Variants in TSNARE1 observed in about 807,000 individuals in gnomAD.
The protein encoded by TSNARE1 is t-SNARE domain-containing protein 1.
Under a neutral mutation model 62.0 loss-of-function variants are expected in TSNARE1, and 49 were observed. That is an observed-to-expected ratio of 0.79 (90% CI 0.63 to 1.00). The LOEUF (loss-of-function observed/expected upper bound fraction) is 1.00. TSNARE1 is among the 50% of genes least tolerant of loss of function. The pLI is 0.00. For missense variants in TSNARE1, 755 were observed against 700.1 expected (o/e 1.08, Z -0.88); for synonymous variants, 328 against 294.4 (o/e 1.11, Z -1.17).
chr8:142,238,419 A>T (rs1269926836), intron 12 of TSNARE1, among the ~76,000 whole-genome samples: 1 of 152,114 alleles, frequency 6.6e-6, no homozygotes, highest in Non-Finnish European at 1.5e-5. Context: ...GGGACACGGA[A>T]GGAATAAAAC....
intron 12 of TSNARE1, chr8:142,273,135 C>T (rs1819870845): frequency 5.1e-6 from 5 of 985,290 alleles, no homozygotes; most frequent in South Asian, 4.7e-5. Flanking sequence ...TGCGGCACGG[C>T]GTCCATGGCA....
intron 11 of TSNARE1, among the ~76,000 whole-genome samples, chr8:142,279,312 T>A (rs948069720): frequency 6.6e-6 from 1 of 152,210 alleles, no homozygotes; most frequent in Non-Finnish European, 1.5e-5. Context: ...CAAACAGGCC[T>A]CCGGCCACAC....
At chr8:142,332,631 TG>T (rs1177942508) in intron 4 of TSNARE1, among the ~76,000 whole-genome samples, 2 of 152,146 alleles carry the variant, frequency 1.3e-5, no homozygotes, top group Non-Finnish European at 2.9e-5. Context: ...ACATGGTGGA[TG>T]GAACGCTCGC....
At chr8:142,314,174 G>A (rs771582673) in intron 9 of TSNARE1, among the ~76,000 whole-genome samples, 23 of 152,228 alleles carry the variant, frequency 1.5e-4, no homozygotes, top group Non-Finnish European at 2.1e-4. Context: ...GGCACCGTCC[G>A]CAGTCATTCT....
chr8:142,219,491 T>C (rs983450577), intron 13 of TSNARE1, among the ~76,000 whole-genome samples: 2 of 152,146 alleles, frequency 1.3e-5, no homozygotes, highest in Admixed American at 6.5e-5. Flanking sequence ...CCAGGAAATG[T>C]GGTGATCTGT....
intron 12 of TSNARE1, among the ~76,000 whole-genome samples, chr8:142,237,669 C>T (rs1817499436): frequency 1.3e-5 from 2 of 152,242 alleles, no homozygotes; most frequent in South Asian, 4.1e-4. Context: ...TTCCTGCAGA[C>T]AGCCCCTTCC....
At chr8:142,215,026 C>A (rs1310927669) in intron 13 of TSNARE1, among the ~76,000 whole-genome samples, 1 of 152,252 alleles carries the variant, frequency 6.6e-6, no homozygotes, top group African/African-American at 2.4e-5. Context: ...CTGGCCTCAT[C>A]ACACTCTGTC....
At chr8:142,315,226 C>T in intron 7 of TSNARE1, 134 bp from the exon 8 acceptor site, 1 of 851,252 alleles carries the variant, frequency 1.2e-6, no homozygotes, top group Non-Finnish European at 1.9e-6. Context: ...AACTACTTCC[C>T]CTCCGTGTCA....
At chr8:142,269,040 A>G (rs962442723) in intron 12 of TSNARE1, among the ~76,000 whole-genome samples, 3 of 152,278 alleles carry the variant, frequency 2.0e-5, no homozygotes, top group African/African-American at 7.2e-5. Context: ...CGTTTTCTGT[A>G]GCACACGCTA....
chr8:142,224,359 C>A (rs1328996656), intron 13 of TSNARE1, among the ~76,000 whole-genome samples: 3 of 152,222 alleles, frequency 2.0e-5, no homozygotes, highest in Admixed American at 1.3e-4. Flanking sequence ...TGACCTCTGA[C>A]CCTGATCACA....
At chr8:142,378,091 T>C (rs1836475312) in intron 1 of TSNARE1, among the ~76,000 whole-genome samples, 1 of 152,226 alleles carries the variant, frequency 6.6e-6, no homozygotes. Context: ...AGCACTTACA[T>C]GCTGGAAAGG....
upstream of TSNARE1, chr8:142,405,242 C>G (rs1048508336): frequency 6.6e-6 from 1 of 152,232 alleles, no homozygotes; most frequent in Admixed American, 6.5e-5. Context: ...GGCCTAGGGC[C>G]GGGGCTCCCC....
At chr8:142,315,681 G>A (rs576564274) in intron 7 of TSNARE1, among the ~76,000 whole-genome samples, 143 of 152,322 alleles carry the variant, frequency 9.4e-4, no homozygotes, top group African/African-American at 3.1e-3. Context: ...CCTGGGGCCC[G>A]CCTCATTGCT....
chr8:142,366,970 T>C (rs375693652), intron 1 of TSNARE1, among the ~76,000 whole-genome samples: 10 of 152,142 alleles, frequency 6.6e-5, no homozygotes, highest in African/African-American at 2.4e-4. Context: ...CCTTCACATA[T>C]ACAGAAACCA....
At chr8:142,317,517 C>T (rs547271974) in intron 7 of TSNARE1, among the ~76,000 whole-genome samples, 74 of 152,194 alleles carry the variant, frequency 4.9e-4, no homozygotes, top group Non-Finnish European at 7.8e-4. Context: ...GAAGCGGGTT[C>T]GGGCCAGCAG....
chr8:142,305,142 G>A (rs370426673), intron 9 of TSNARE1, among the ~76,000 whole-genome samples: 6 of 152,192 alleles, frequency 3.9e-5, no homozygotes, highest in East Asian at 3.9e-4. Flanking sequence ...TAATGCGGGC[G>A]AGTGAGATGG....
chr8:142,291,892 G>C lies in TSNARE1; in HGVS notation c.1291-7407C>G, dbSNP rs576393020. The stretch of plus-strand genomic sequence containing the variant: ...AACTGTGAGGTGTGGGGTGAGGAAT[G>C]AGGGAGAGGACAGTCCATTGGGAGT... On this transcript the variant is annotated intron_variant, in intron 10 of 13. Coordinates refer to ENST00000524325, the MANE Select transcript of TSNARE1 (RefSeq NM_145003.5). This position sits in a 1 kb window ranked among gnomAD's most constrained non-coding sequence, Gnocchi z 4.8. Among the ~76,000 whole-genome samples the C allele has an allele frequency of 6.6e-6, 1 of 152,226 alleles. No homozygotes were observed. Among genetic ancestry groups the C allele is most frequent in the South Asian group, 2.1e-4 (1 of 4,818 alleles).
rs1223494919 is a variant in TSNARE1 at position 142,300,764 on chromosome 8, G to GACGATCTGGGTCTGAGGCA, written c.1132-121_1132-120insTGCCTCAGACCCAGATCGT. On this transcript the variant is annotated intron_variant, in intron 9 of 13. Transcript: ENST00000524325. ...ACTATCCCCATCTGCTCTCTGAGGG[G>GACGATCTGGGTCTGAGGCA]ACGATCTGGGTCTGAGGCGGGGGCC... 3 of 1,279,912 alleles carry GACGATCTGGGTCTGAGGCA rather than the reference G, an allele frequency of 2.3e-6. No homozygotes were observed. In the East Asian group the frequency reaches 7.5e-5, roughly 32 times the overall value. The allele number at this position is 1,279,912 out of a possible 1,614,324, so 79.3% of individuals were successfully genotyped here.
At position 142,349,579 on chromosome 8, in the gene TSNARE1, G is replaced by A. The variant is rs141170547; in HGVS notation, c.89-3687C>T. Among the ~76,000 whole-genome samples, 917 of 152,278 alleles carry A rather than the reference G, an allele frequency of 6.0e-3. 10 individuals carry two copies. The highest frequency in any genetic ancestry group is 0.021 in the African/African-American group (860 of 41,560). ...GGGGGAAGCCAGGGGCCATATCTCT[G>A]CAGAGACCTGTGGAACTGCCAGGTC... is the stretch of plus-strand genomic sequence containing the variant. On this transcript the variant is annotated intron_variant, in intron 2 of 13. Coordinates refer to ENST00000524325, the MANE Select transcript of TSNARE1 (RefSeq NM_145003.5).
Sources: gnomAD v4.1 joint callset for allele counts (sites outside exome capture counted in the v4.1 genomes callset) on GRCh38, gnomAD v4.1.1 for gene constraint, Gnocchi (gnomAD v3.1) non-coding constraint, MANE v1.5 for transcripts, NCBI Gene and HGNC (gene_info 2026-07-23, HGNC 2026-07-21) for gene names.